GTF3C1: variants seen among roughly 807,000 people sequenced by gnomAD.
The protein encoded by GTF3C1 is general transcription factor IIIC subunit 1.
GTF3C1 carries 57 observed loss-of-function variants against 226.7 expected under a neutral mutation model. The observed-to-expected ratio is 0.25, with a 90% CI of 0.20 to 0.31. The LOEUF is 0.31. Among genes scored for constraint, GTF3C1 ranks in the 10% least tolerant of loss-of-function variants. GTF3C1 has a pLI of 1.00. For synonymous variants in GTF3C1, 1,090 were observed against 1,084.8 expected, an observed-to-expected ratio of 1.00 and a Z score of -0.09; for missense variants, 2,217 against 2,776.1, an observed-to-expected ratio of 0.80 and a Z score of 4.53.
At chr16:27,540,768 GC>G (rs1386609998) in intron 2 of GTF3C1, among the ~76,000 whole-genome samples, 2 of 152,180 alleles carry the variant, frequency 1.3e-5, no homozygotes, top group Non-Finnish European at 2.9e-5. Flanking sequence ...TAGATGAGGA[GC>G]CCTAATTCAA....
chr16:27,470,621 G>A lies in GTF3C1; in HGVS notation c.4527-226C>T. The A allele has an allele frequency of 1.8e-6, 1 of 543,622 alleles. No individual in the cohort carries two copies. The highest frequency in any genetic ancestry group is 3.3e-6 in the Non-Finnish European group (1 of 303,042). 33.7% of individuals were successfully genotyped at this position (543,622 alleles called of 1,614,324 possible). Reference sequence around the variant, plus strand: ...CTGAGTACCTTCCGGGCAGAGTCCTGTCTCCTCATCTAATTCAATGTGGCC... The same window carrying A: ...CTGAGTACCTTCCGGGCAGAGTCCTATCTCCTCATCTAATTCAATGTGGCC... On this transcript the variant is annotated intron_variant, in intron 30 of 36. Coordinates refer to ENST00000356183, the MANE Select transcript of GTF3C1 (RefSeq NM_001520.4). The surrounding 1 kb of genome is among the most constrained non-coding windows in gnomAD (Gnocchi z 4.9).
chr16:27,504,102 G>T (rs912963442), intron 10 of GTF3C1, among the ~76,000 whole-genome samples: 1 of 152,202 alleles, frequency 6.6e-6, no homozygotes, highest in African/African-American at 2.4e-5. Context: ...AGTTTCCATG[G>T]GGCTGCTGGA....
chr16:27,495,842 A>G (rs1343280991), intron 14 of GTF3C1, among the ~76,000 whole-genome samples: 1 of 152,202 alleles, frequency 6.6e-6, no homozygotes, highest in Non-Finnish European at 1.5e-5. Flanking sequence ...GGGCAAATGC[A>G]AGGGGCCTGA....
chr16:27,488,842 T>C (rs544966179), intron 21 of GTF3C1, among the ~76,000 whole-genome samples: 1 of 152,224 alleles, frequency 6.6e-6, no homozygotes, highest in South Asian at 2.1e-4. Context: ...CTGATCCTTC[T>C]TTAAAAAGGA....
At chr16:27,528,331 G>T (rs1379647766) in intron 6 of GTF3C1, among the ~76,000 whole-genome samples, 1 of 152,188 alleles carries the variant, frequency 6.6e-6, no homozygotes, top group African/African-American at 2.4e-5. Context: ...AGGAGGAAAA[G>T]ATGAACTTGT....
At chr16:27,468,912 T>C (rs1400147594) in intron 32 of GTF3C1, among the ~76,000 whole-genome samples, 2 of 152,136 alleles carry the variant, frequency 1.3e-5, no homozygotes, top group African/African-American at 2.4e-5. Context: ...GCACACACTT[T>C]AGAGTTGCAG....
chr16:27,467,689 G>A lies in GTF3C1; in HGVS notation c.5074+1602C>T, dbSNP rs542372688. Among the ~76,000 whole-genome samples, 8 of 152,226 alleles carry A rather than the reference G, an allele frequency of 5.3e-5. No homozygotes were observed. The South Asian group carries it at 1.5e-3, about 28-fold the overall frequency. ...GTTCAAGACCAGCCTGCCCAACATG[G>A]TAAAACACCATCTCTACTAAAAATA... On this transcript the variant is annotated intron_variant, in intron 32 of 36. Coordinates refer to ENST00000356183, the MANE Select transcript of GTF3C1 (RefSeq NM_001520.4).
intron 4 of GTF3C1, among the ~76,000 whole-genome samples, chr16:27,535,903 T>C (rs956099092): frequency 1.3e-5 from 2 of 151,790 alleles, no homozygotes; most frequent in South Asian, 2.1e-4. Context: ...TCGTGTTTAG[T>C]GCAATACCAT....
intron 2 of GTF3C1, among the ~76,000 whole-genome samples, chr16:27,544,492 C>A (rs1271950530): frequency 6.6e-6 from 1 of 151,726 alleles, no homozygotes; most frequent in East Asian, 1.9e-4. Flanking sequence ...GGAAGGGATG[C>A]ATCCAGATCA....
chr16:27,545,307 T>C lies in GTF3C1; in HGVS notation c.431+7A>G. Reference sequence around the variant, plus strand: ...CCCAGGAATTTCTGATGGTGCAAAATAGTTACCTGTCAAAGGCTTCCACCA... The same window carrying C: ...CCCAGGAATTTCTGATGGTGCAAAACAGTTACCTGTCAAAGGCTTCCACCA... On this transcript the variant is annotated splice_region_variant and intron_variant, in intron 2 of 36. Coordinates refer to ENST00000356183, the MANE Select transcript of GTF3C1 (RefSeq NM_001520.4). The C allele has an allele frequency of 6.3e-7, 1 of 1,599,536 alleles. No homozygotes were observed. Among genetic ancestry groups the C allele is most frequent in the Non-Finnish European group, 8.6e-7 (1 of 1,166,688 alleles).
rs1460011624 is a variant in GTF3C1, at chr16:27,498,658, G to A, written c.2137C>T (p.Arg713Trp). ...TTGGCTGTGCTTGAATTGGAGATCC[G>A]GAAGCGGACCTGCTCGATGGCACTT... is the stretch of plus-strand genomic sequence containing the variant. ...VRSAIEQVRF[R>W]ISNSSTANRV... Residue 713 changes from arginine to tryptophan, a missense_variant, in exon 13 of 37, where the codon CGG becomes TGG. Physicochemically the swap from Arg to Trp is moderately radical, Grantham distance 101. This residue lies in a region of GTF3C1 where 100 missense variants were observed against 139.9 expected (regional missense o/e 0.71). Transcript: ENST00000356183. The A allele has an allele frequency of 1.9e-6, 3 of 1,601,134 alleles. No individual in the cohort carries two copies. The highest frequency in any genetic ancestry group is 2.6e-6 in the Non-Finnish European group (3 of 1,168,136).
rs75554687 is a variant in GTF3C1, at chr16:27,466,004, A to T, written c.5075-464T>A. On this transcript the variant is annotated intron_variant, in intron 32 of 36. Transcript: ENST00000356183. ...TTGCCTACACTAGCCAGGGCTGGCT[A>T]CTGTTGCTTCCTATAGAATATGTCT... is the stretch of plus-strand genomic sequence containing the variant. 6.2e-3 allele frequency: 1,079 copies of T among 173,380 alleles called. 15 individuals are homozygous for T. The highest frequency in any genetic ancestry group is 0.024 in the African/African-American group (1,012 of 42,484). 10.7% of individuals were successfully genotyped at this position (173,380 alleles called of 1,614,324 possible). A position where few individuals can be genotyped will look rare whatever the true frequency, so the allele number is the denominator to read the frequency against.
intron 24 of GTF3C1, among the ~76,000 whole-genome samples, chr16:27,485,577 G>A (rs909520285): frequency 1.1e-4 from 17 of 152,234 alleles, no homozygotes; most frequent in Non-Finnish European, 2.4e-4. Flanking sequence ...CTACTGGTGA[G>A]GAGAGAGAAA....
At chr16:27,484,432 A>G (rs977181205) in intron 24 of GTF3C1, 79 bp from the exon 25 acceptor site, 6 of 1,022,796 alleles carry the variant, frequency 5.9e-6, no homozygotes, top group Admixed American at 1.8e-5. Flanking sequence ...AAAAAAGTGG[A>G]CAAAATGTGT....
rs2087742426 is a variant in GTF3C1, at chr16:27,463,921, A to G, written c.5873-329T>C. On this transcript the variant is annotated intron_variant, in intron 34 of 36. Coordinates refer to ENST00000356183, the MANE Select transcript of GTF3C1 (RefSeq NM_001520.4). This position sits in a 1 kb window ranked among gnomAD's most constrained non-coding sequence, Gnocchi z 4.9. ...AACCCGAGGCAAAAACACCCCAAAG[A>G]AAACAAAAACGCCCAGAGAAGCCAC... The G allele has an allele frequency of 9.5e-6, 4 of 422,842 alleles. No homozygotes were observed. Among genetic ancestry groups the G allele is most frequent in the Non-Finnish European group, 1.7e-5 (4 of 239,802 alleles). The allele number at this position is 422,842 out of a possible 1,614,324, so 26.2% of individuals were successfully genotyped here. A position where few individuals can be genotyped will look rare whatever the true frequency, so the allele number is the denominator to read the frequency against.
chr16:27,511,961 T>C, intron 6 of GTF3C1, 60 bp from the exon 7 acceptor site: 1 of 1,574,976 alleles, frequency 6.3e-7, no homozygotes, highest in Non-Finnish European at 8.7e-7. Flanking sequence ...GTGGGGGAGG[T>C]GAGGGGTTCT....
chr16:27,543,802 A>G (rs1055829489), intron 2 of GTF3C1, among the ~76,000 whole-genome samples: 2 of 152,168 alleles, frequency 1.3e-5, no homozygotes, highest in Admixed American at 6.6e-5. Flanking sequence ...AAAAGCTTTG[A>G]GTCCTTAACA....
intron 12 of GTF3C1, 148 bp from the exon 13 acceptor site, chr16:27,498,881 G>C: frequency 1.6e-6 from 1 of 630,770 alleles, no homozygotes; most frequent in South Asian, 1.8e-5. Context: ...AAAATTTGTT[G>C]CTCAACAGTT....
intron 29 of GTF3C1, 63 bp downstream of exon 29, chr16:27,476,388 C>A: frequency 9.5e-7 from 1 of 1,047,406 alleles, no homozygotes; most frequent in East Asian, 2.4e-5. Flanking sequence ...GGGCCAGCAC[C>A]TCACGAGCCT....
Sources: gnomAD v4.1 joint callset for allele counts (sites outside exome capture counted in the v4.1 genomes callset) on GRCh38, gnomAD v4.1.1 for gene constraint, gnomAD v4.1.1 regional missense constraint, Gnocchi (gnomAD v3.1) non-coding constraint, MANE v1.5 for transcripts, NCBI Gene and HGNC (gene_info 2026-07-23, HGNC 2026-07-21) for gene names.